Variants in CCDC169 observed in about 807,000 individuals in gnomAD.
CCDC169 encodes the protein coiled-coil domain-containing protein 169.
Under a neutral mutation model 36.0 loss-of-function variants are expected in CCDC169, and 30 were observed. That is an observed-to-expected ratio of 0.83 (90% confidence interval 0.62 to 1.13). The LOEUF (loss-of-function observed/expected upper bound fraction) is 1.13, where lower values mean the gene tolerates loss of function less well. Ranked by LOEUF, CCDC169 falls within the 50% of genes most tolerant of loss-of-function variation. The pLI is 0.00. For missense variants in CCDC169, 245 were observed against 245.9 expected (o/e 1.00, Z 0.03); for synonymous variants, 85 against 81.5 (o/e 1.04, Z -0.23).
chr13:36,252,402 T>C (rs1044311570), intron 6 of CCDC169, among the ~76,000 whole-genome samples: 4 of 152,206 alleles, frequency 2.6e-5, no homozygotes, highest in Non-Finnish European at 5.9e-5. Context: ...CAAAATTTTC[T>C]AAATGTCCCC....
At chr13:36,240,797 T>C (rs536984403) in intron 7 of CCDC169, 18 of 289,706 alleles carry the variant, frequency 6.2e-5, no homozygotes, top group South Asian at 5.9e-4. Flanking sequence ...TTTTTCATAG[T>C]TAATACACAC....
intron 4 of CCDC169, among the ~76,000 whole-genome samples, chr13:36,282,147 A>G (rs1317027504): frequency 6.6e-6 from 1 of 152,140 alleles, no homozygotes; most frequent in Non-Finnish European, 1.5e-5. Context: ...GATTACTCCT[A>G]AACACTAAAC....
At chr13:36,292,323 A>G (rs930527032) in intron 2 of CCDC169, among the ~76,000 whole-genome samples, 5 of 152,124 alleles carry the variant, frequency 3.3e-5, no homozygotes, top group African/African-American at 1.2e-4. Flanking sequence ...AACGGAGGTA[A>G]TGATATTATT....
At chr13:36,282,363 A>C (rs1309020216) in intron 4 of CCDC169, 2 of 984,838 alleles carry the variant, frequency 2.0e-6, no homozygotes, top group Non-Finnish European at 1.2e-6. Context: ...TTTTGTCCTT[A>C]GCTAAGAGGG....
intron 4 of CCDC169, among the ~76,000 whole-genome samples, chr13:36,275,044 A>G (rs1876602880): frequency 2.0e-5 from 3 of 151,814 alleles, no homozygotes; most frequent in Admixed American, 1.3e-4. Context: ...AATTTTTTGT[A>G]TTTTTAGTAG....
intron 2 of CCDC169, among the ~76,000 whole-genome samples, chr13:36,294,557 A>G (rs866192016): frequency 1.2e-4 from 19 of 152,112 alleles, no homozygotes; most frequent in South Asian, 2.1e-4. Flanking sequence ...TGGCTCCCCA[A>G]TTGAGGAAGA....
chr13:36,247,490 G>A (rs1236507177), intron 7 of CCDC169, among the ~76,000 whole-genome samples: 5 of 151,748 alleles, frequency 3.3e-5, no homozygotes, highest in Admixed American at 6.6e-5. Context: ...ATGGGAGGAG[G>A]TAGAAAAATG....
intron 4 of CCDC169, among the ~76,000 whole-genome samples, chr13:36,275,884 C>T (rs1477683351): frequency 1.3e-5 from 2 of 152,126 alleles, no homozygotes; most frequent in African/African-American, 2.4e-5. Context: ...AGTAATAAGA[C>T]TGGAAGTCAG....
At chr13:36,239,960 T>C (rs1411470580) in intron 7 of CCDC169, among the ~76,000 whole-genome samples, 1 of 152,190 alleles carries the variant, frequency 6.6e-6, no homozygotes, top group Non-Finnish European at 1.5e-5. Context: ...ATAATTAAGT[T>C]GTATTATTAG....
intron 7 of CCDC169, among the ~76,000 whole-genome samples, chr13:36,231,617 A>G (rs1007450488): frequency 6.6e-6 from 1 of 152,192 alleles, no homozygotes; most frequent in Non-Finnish European, 1.5e-5. Context: ...TTAGATTTCC[A>G]TGAGATCCTT....
chr13:36,277,801 T>A (rs1877013364), intron 4 of CCDC169, among the ~76,000 whole-genome samples: 1 of 152,004 alleles, frequency 6.6e-6, no homozygotes, highest in Admixed American at 6.5e-5. Flanking sequence ...AAAAATTGGC[T>A]GAGCGTGGTG....
chr13:36,231,261 C>T lies in CCDC169; in HGVS notation c.577G>A (p.Val193Met). The T allele has an allele frequency of 1.9e-6, 3 of 1,551,388 alleles. No individual in the cohort carries two copies. Among genetic ancestry groups the T allele is most frequent in the Non-Finnish European group, 2.6e-6 (3 of 1,146,826 alleles). Residue 193 changes from valine (V) to methionine (M), a missense_variant, in exon 8 of 8, where the codon GTG becomes ATG. Coordinates refer to ENST00000239859, the MANE Select transcript of CCDC169 (RefSeq NM_001144981.3). ...GRYNPAKQKT[V>M]SAKRGPVKKI... ...TTTACTGGTCCTCTCTTGGCACTCA[C>T]TGTCTTCTGCTTAGCTGGATTATAT... is the stretch of plus-strand genomic sequence containing the variant.
At position 36,230,857 on chromosome 13, in the gene CCDC169, T is replaced by C; in HGVS notation, c.*336A>G. The C allele has an allele frequency of 1.0e-6, 1 of 1,003,410 alleles. No homozygotes were observed. The highest frequency in any genetic ancestry group is 4.6e-5 in the South Asian group (1 of 21,574). 62.2% of individuals were successfully genotyped at this position (1,003,410 alleles called of 1,614,324 possible). On this transcript the variant is annotated 3_prime_UTR_variant, in exon 8 of 8. Transcript: ENST00000239859. ...AAAAGGTTTTATGAATACACACTTT[T>C]TGCTAACAGTCAACTAGAAACCAAA...
At chr13:36,279,202 G>C (rs980454154) in intron 4 of CCDC169, among the ~76,000 whole-genome samples, 1 of 151,984 alleles carries the variant, frequency 6.6e-6, no homozygotes, top group African/African-American at 2.4e-5. Flanking sequence ...CTTTCTTCAT[G>C]GTGGTTGGGG....
intron 7 of CCDC169, among the ~76,000 whole-genome samples, chr13:36,237,916 T>C (rs1386086231): frequency 6.6e-6 from 1 of 152,212 alleles, no homozygotes; most frequent in Non-Finnish European, 1.5e-5. Context: ...CAAGAGGCTA[T>C]ACCATATAGC....
chr13:36,296,534 C>T (rs1458579303), intron 1 of CCDC169, among the ~76,000 whole-genome samples: 1 of 151,950 alleles, frequency 6.6e-6, no homozygotes, highest in Non-Finnish European at 1.5e-5. Context: ...CAAACTGAAA[C>T]AAAGAGAAAA....
chr13:36,257,692 A>C (rs1874085358), intron 4 of CCDC169, among the ~76,000 whole-genome samples: 1 of 150,600 alleles, frequency 6.6e-6, no homozygotes, highest in Non-Finnish European at 1.5e-5. Context: ...ACACAGCAAG[A>C]CTCCAACTAA....
intron 4 of CCDC169, among the ~76,000 whole-genome samples, chr13:36,275,940 G>A (rs990896469): frequency 1.1e-4 from 16 of 151,958 alleles, no homozygotes; most frequent in African/African-American, 3.4e-4. Context: ...ATAGAGGGGA[G>A]AGTCTTGCTT....
At chr13:36,259,742 G>A (rs531624227) in intron 4 of CCDC169, among the ~76,000 whole-genome samples, 1 of 152,290 alleles carries the variant, frequency 6.6e-6, no homozygotes, top group South Asian at 2.1e-4. Flanking sequence ...CTGAAGTGAA[G>A]ACTTGGCTCG....
Sources: allele counts gnomAD v4.1 joint callset (sites outside exome capture counted in the v4.1 genomes callset), GRCh38; gene constraint gnomAD v4.1.1; transcripts MANE v1.5; gene names NCBI Gene and HGNC (gene_info 2026-07-23, HGNC 2026-07-21).